The following PRKCZ variants were observed in gnomAD, a reference collection of about 807,000 sequenced individuals.
The protein encoded by PRKCZ is protein kinase C zeta type.
In PRKCZ, 33 loss-of-function variants were observed where a neutral mutation model predicts 79.5. The observed-to-expected ratio is 0.41, with a 90% CI of 0.31 to 0.55. PRKCZ has a LOEUF of 0.55. Ranked by LOEUF, PRKCZ falls within the 20% of genes least tolerant of loss-of-function variation. The pLI, the probability that PRKCZ is intolerant of heterozygous loss-of-function variation, is 0.19. For missense variants in PRKCZ, 578 were observed against 813.5 expected, an observed-to-expected ratio of 0.71 and a Z score of 3.52; for synonymous variants, 342 against 320.9, an observed-to-expected ratio of 1.07 and a Z score of -0.70.
intron 4 of PRKCZ, among the ~76,000 whole-genome samples, chr1:2,105,158 G>T (rs3128332): frequency 0.91 from 137,803 of 152,244 alleles, 62,436 homozygotes; most frequent in Admixed American, 0.93. Context: ...ACTGCGTCAC[G>T]GCCATGCTGT....
chr1:2,151,138 T>C (rs544055618), intron 9 of PRKCZ, among the ~76,000 whole-genome samples, 160 bp downstream of exon 9: 6 of 152,358 alleles, frequency 3.9e-5, no homozygotes, highest in African/African-American at 1.4e-4. Context: ...GACCAGGATG[T>C]GTTCTGGAAA....
At chr1:2,103,858 G>A (rs1667910512) in intron 4 of PRKCZ, among the ~76,000 whole-genome samples, 1 of 152,214 alleles carries the variant, frequency 6.6e-6, no homozygotes, top group Non-Finnish European at 1.5e-5. Flanking sequence ...ACCTGAGGCG[G>A]CAGTGGGAGG....
At chr1:2,155,215 T>C (rs1276920526) in intron 9 of PRKCZ, among the ~76,000 whole-genome samples, 2 of 151,218 alleles carry the variant, frequency 1.3e-5, no homozygotes. Flanking sequence ...ATGGCGGTGA[T>C]GATGGTGATG....
rs1663826313 is a variant in PRKCZ, at chr1:2,082,879, T to G, written c.334+23288T>G. On this transcript the variant is annotated intron_variant, in intron 4 of 17. Coordinates refer to ENST00000378567, the MANE Select transcript of PRKCZ (RefSeq NM_002744.6). This position sits in a 1 kb window ranked among gnomAD's most constrained non-coding sequence, Gnocchi z 4.4. ...AGAGGGTGGAGGGGTGGTGTGAGGG[T>G]GCAAGGGAGAGGGTGGAGAGGGTGG... 7.1e-6 allele frequency among the ~76,000 whole-genome samples: 1 copy of G among 141,446 alleles called. No homozygotes were observed. The highest frequency in any genetic ancestry group is 1.5e-5 in the Non-Finnish European group (1 of 64,600). The allele number at this position is 141,446 out of a possible 152,430, so 92.8% of individuals were successfully genotyped here.
chr1:2,139,661 A>G (rs1351703369), intron 5 of PRKCZ, among the ~76,000 whole-genome samples: 1 of 152,214 alleles, frequency 6.6e-6, no homozygotes, highest in African/African-American at 2.4e-5. Context: ...GGGGTCTGCC[A>G]ACCCTGGGGA....
Position 2,127,268 on chromosome 1 carries a change from A to C in PRKCZ, c.335-7994A>C. On this transcript the variant is annotated intron_variant, in intron 4 of 17. Coordinates refer to ENST00000378567, the MANE Select transcript of PRKCZ (RefSeq NM_002744.6). The surrounding 1 kb of genome is among the most constrained non-coding windows in gnomAD (Gnocchi z 5.1). Reference sequence around the variant, plus strand: ...TTAGTGTTATTCTTCAGTCACCTTTAAAAGCATAGCATGTTTTCAATCACA... The same window carrying C: ...TTAGTGTTATTCTTCAGTCACCTTTCAAAGCATAGCATGTTTTCAATCACA... 6.6e-6 allele frequency among the ~76,000 whole-genome samples: 1 copy of C among 152,268 alleles called. No individual in the cohort carries two copies. Among genetic ancestry groups the C allele is most frequent in the African/African-American group, 2.4e-5 (1 of 41,482 alleles).
At chr1:2,065,930 C>T (rs1317015750) in intron 4 of PRKCZ, among the ~76,000 whole-genome samples, 1 of 151,668 alleles carries the variant, frequency 6.6e-6, no homozygotes, top group Non-Finnish European at 1.5e-5. Context: ...TTTTTTTTAC[C>T]TTCATTTTGT....
rs1228053416 is a variant in PRKCZ at position 2,172,544 on chromosome 1, C to G, written c.1285+156C>G. On this transcript the variant is annotated intron_variant, in intron 13 of 17. Transcript: ENST00000378567. This position sits in a 1 kb window ranked among gnomAD's most constrained non-coding sequence, Gnocchi z 7.8. ...GGATGTCATCATCTGGCCTCAGCCC[C>G]TTATTTGAATTCTGGAAAACCTCCC... Among the ~76,000 whole-genome samples, 2 of 152,240 alleles carry G rather than the reference C, an allele frequency of 1.3e-5. No homozygotes were observed. The highest frequency in any genetic ancestry group is 2.9e-5 in the Non-Finnish European group (2 of 68,046).
intron 16 of PRKCZ, among the ~76,000 whole-genome samples, chr1:2,180,511 G>A (rs952210211): frequency 2.0e-5 from 3 of 149,724 alleles, no homozygotes; most frequent in African/African-American, 7.6e-5. Flanking sequence ...CACAGATGAC[G>A]TGGACGCACA....
intron 10 of PRKCZ, among the ~76,000 whole-genome samples, chr1:2,160,822 G>T (rs774788238): frequency 6.6e-6 from 1 of 152,152 alleles, no homozygotes; most frequent in African/African-American, 2.4e-5. Flanking sequence ...GGACTCGGGG[G>T]TGCTGTGGCC....
chr1:2,174,866 T>C lies in PRKCZ; in HGVS notation c.1485+33T>C. Reference sequence around the variant, plus strand: ...TCTGGCCATGCTGACAAAATCTCGTTTGTGGCCTCGGTGTTGGTGGGCAGA... The same window carrying C: ...TCTGGCCATGCTGACAAAATCTCGTCTGTGGCCTCGGTGTTGGTGGGCAGA... On this transcript the variant is annotated intron_variant, in intron 15 of 17. Coordinates refer to ENST00000378567, the MANE Select transcript of PRKCZ (RefSeq NM_002744.6). This position sits in a 1 kb window ranked among gnomAD's most constrained non-coding sequence, Gnocchi z 6.2. 6.2e-7 allele frequency: 1 copy of C among 1,603,628 alleles called. No homozygotes were observed. The highest frequency in any genetic ancestry group is 8.5e-7 in the Non-Finnish European group (1 of 1,170,662).
chr1:2,167,672 C>T (rs1429497580), intron 10 of PRKCZ, among the ~76,000 whole-genome samples: 1 of 152,198 alleles, frequency 6.6e-6, no homozygotes, highest in Non-Finnish European at 1.5e-5. Context: ...GGCGCAATCT[C>T]AGCTCACTGC....
intron 10 of PRKCZ, among the ~76,000 whole-genome samples, chr1:2,167,520 G>C (rs1683574439): frequency 6.6e-6 from 1 of 152,184 alleles, no homozygotes; most frequent in South Asian, 2.1e-4. Context: ...CAGGTGGAAG[G>C]GACCAGCACC....
chr1:2,057,066 C>T (rs1017330178), intron 3 of PRKCZ, among the ~76,000 whole-genome samples: 1 of 152,122 alleles, frequency 6.6e-6, no homozygotes, highest in Non-Finnish European at 1.5e-5. Context: ...GAAAACTGCT[C>T]TTAACAAAGA....
intron 16 of PRKCZ, 29 bp from the exon 17 acceptor site, chr1:2,184,554 G>A: frequency 2.5e-6 from 4 of 1,586,952 alleles, no homozygotes; most frequent in Non-Finnish European, 3.5e-6. Context: ...CCCGCGCGGA[G>A]CTGACCCTTC....
chr1:2,172,405 T>C lies in PRKCZ; in HGVS notation c.1285+17T>C. On this transcript the variant is annotated intron_variant, in intron 13 of 17. Coordinates refer to ENST00000378567, the MANE Select transcript of PRKCZ (RefSeq NM_002744.6). The surrounding 1 kb of genome is among the most constrained non-coding windows in gnomAD (Gnocchi z 7.8). Reference sequence around the variant, plus strand: ...AGGAGTACGGTGAGTGCCGCTGCCCTGGCCCCTCTCGGAGCACACAGGGCC... The same window carrying C: ...AGGAGTACGGTGAGTGCCGCTGCCCCGGCCCCTCTCGGAGCACACAGGGCC... The C allele has an allele frequency of 6.2e-7, 1 of 1,606,690 alleles. No homozygotes were observed.
chr1:2,100,655 G>C (rs2102581663), intron 4 of PRKCZ, among the ~76,000 whole-genome samples: 1 of 152,342 alleles, frequency 6.6e-6, no homozygotes, highest in Non-Finnish European at 1.5e-5. Flanking sequence ...CAGGGCACAG[G>C]AGGAACAGGC....
intron 4 of PRKCZ, among the ~76,000 whole-genome samples, chr1:2,067,723 C>T (rs1020418528): frequency 3.9e-5 from 6 of 152,192 alleles, no homozygotes; most frequent in African/African-American, 7.2e-5. Context: ...ACTGCAGTGC[C>T]GGGTGAGGCC....
chr1:2,055,851 C>T, intron 2 of PRKCZ: 2 of 343,980 alleles, frequency 5.8e-6, no homozygotes, highest in Non-Finnish European at 1.1e-5. Context: ...CCTCTGACCT[C>T]CTTTCTCATG....
Sources: allele counts gnomAD v4.1 joint callset (sites outside exome capture counted in the v4.1 genomes callset), GRCh38; gene constraint gnomAD v4.1.1; non-coding constraint Gnocchi (gnomAD v3.1); transcripts MANE v1.5; gene names NCBI Gene and HGNC (gene_info 2026-07-23, HGNC 2026-07-21).